ZNF148: variants seen among roughly 807,000 people sequenced by gnomAD.
ZNF148 encodes Beta-Enolase Repressor Factor-1.
ZNF148 carries 7 observed loss-of-function variants against 67.7 expected under a neutral mutation model. The ratio of observed to expected loss-of-function variants is 0.10; its 90% CI spans 0.06 to 0.19. ZNF148 has a LOEUF of 0.19. Ranked by LOEUF, ZNF148 falls within the 10% of genes least tolerant of loss-of-function variation. The pLI is 1.00. For synonymous variants in ZNF148, 333 were observed against 330.7 expected, an observed-to-expected ratio of 1.01 and a Z score of -0.08; for missense variants, 583 against 947.1, an observed-to-expected ratio of 0.62 and a Z score of 5.05.
At chr3:125,259,252 A>AC (rs1449897561) in intron 7 of ZNF148, among the ~76,000 whole-genome samples, 2 of 152,228 alleles carry the variant, frequency 1.3e-5, no homozygotes, top group African/African-American at 4.8e-5. Context: ...ACAAATAAAC[A>AC]CATGAAAAAA....
intron 1 of ZNF148, among the ~76,000 whole-genome samples, chr3:125,337,008 T>C (rs1941525297): frequency 7.7e-6 from 1 of 129,900 alleles, no homozygotes; most frequent in Non-Finnish European, 1.6e-5. Flanking sequence ...TTTCCATTTC[T>C]ACTCTCACAA....
At chr3:125,276,755 AG>A (rs1313251756) in intron 7 of ZNF148, among the ~76,000 whole-genome samples, 1 of 152,138 alleles carries the variant, frequency 6.6e-6, no homozygotes, top group African/African-American at 2.4e-5. Flanking sequence ...TTATTTAAGC[AG>A]ACCAGACACA....
chr3:125,332,926 T>C (rs934807875), intron 1 of ZNF148, among the ~76,000 whole-genome samples: 2 of 152,218 alleles, frequency 1.3e-5, no homozygotes, highest in Non-Finnish European at 2.9e-5. Flanking sequence ...CATACATTAC[T>C]ATATTCAACT....
At chr3:125,334,885 C>G (rs1332945449) in intron 1 of ZNF148, among the ~76,000 whole-genome samples, 1 of 152,152 alleles carries the variant, frequency 6.6e-6, no homozygotes, top group East Asian at 1.9e-4. Flanking sequence ...ACCTGACCTC[C>G]TTATTGTCGC....
Position 125,233,161 on chromosome 3 carries a change from G to A in ZNF148, c.1565C>T (p.Ala522Val), listed in dbSNP as rs1360314297. ...STTASILESQ[A>V]LNVEIKSNHD... ...ATTACTCTTAATCTCCACATTCAGT[G>A]CCTGTGACTCTAATATGGATGCCGT... Residue 522 changes from alanine (A) to valine (V), a missense_variant, in exon 9 of 9, where the codon GCA (alanine) becomes GTA (valine). Physicochemically the swap from Ala to Val is moderately conservative, Grantham distance 64 (BLOSUM62 0). Around this residue, in one of 5 missense-constraint regions of ZNF148, gnomAD observed 172 missense variants for 307.7 expected, o/e 0.56. Coordinates refer to ENST00000360647, the MANE Select transcript of ZNF148 (RefSeq NM_021964.3). This position sits in a 1 kb window ranked among gnomAD's most constrained non-coding sequence, Gnocchi z 5.1. 2 of 1,613,788 alleles carry A rather than the reference G, an allele frequency of 1.2e-6. No individual in the cohort carries two copies.
Position 125,229,543 on chromosome 3 carries a change from C to CTAAAG in ZNF148, c.*2797_*2798insCTTTA, listed in dbSNP as rs1935767810. ...TTTAAAAAACCCTTTAGAAGATGTT[C>CTAAAG]AAGAGATACTGCCTCGCCTAACGTG... is the stretch of plus-strand genomic sequence containing the variant. On this transcript the variant is annotated 3_prime_UTR_variant, in exon 9 of 9. Transcript: ENST00000360647. The CTAAAG allele has an allele frequency of 6.6e-6, 1 of 152,100 alleles. No individual in the cohort carries two copies. Among genetic ancestry groups the CTAAAG allele is most frequent in the African/African-American group, 2.4e-5 (1 of 41,414 alleles). The allele number at this position is 152,100 out of a possible 1,614,324, so 9.4% of individuals were successfully genotyped here. A position where few individuals can be genotyped will look rare whatever the true frequency, so the allele number is the denominator to read the frequency against.
intron 7 of ZNF148, among the ~76,000 whole-genome samples, chr3:125,259,938 G>A (rs1170358185): frequency 1.3e-5 from 2 of 152,046 alleles, no homozygotes; most frequent in African/African-American, 2.4e-5. Context: ...CCTTTCACTT[G>A]CACACTTAGA....
chr3:125,328,255 T>C (rs760426154), intron 2 of ZNF148, among the ~76,000 whole-genome samples: 25 of 152,138 alleles, frequency 1.6e-4, no homozygotes, highest in Non-Finnish European at 2.4e-4. Flanking sequence ...CCTTTAAATC[T>C]AACACAGAAC....
chr3:125,258,133 C>T (rs1458890587), intron 7 of ZNF148, among the ~76,000 whole-genome samples: 1 of 151,724 alleles, frequency 6.6e-6, no homozygotes, highest in African/African-American at 2.4e-5. Context: ...AAAGAGATAG[C>T]ATCTTCCAGC....
At chr3:125,336,112 A>G (rs1941479398) in intron 1 of ZNF148, among the ~76,000 whole-genome samples, 1 of 152,246 alleles carries the variant, frequency 6.6e-6, no homozygotes, top group African/African-American at 2.4e-5. Context: ...AATCATTTTT[A>G]AAGTTTCAAT....
At chr3:125,235,666 C>T (rs1195959692) in intron 7 of ZNF148, among the ~76,000 whole-genome samples, 1 of 151,998 alleles carries the variant, frequency 6.6e-6, no homozygotes, top group Admixed American at 6.6e-5. Context: ...TTTACTGCTG[C>T]ACTATTCACA....
rs1275973957 is a variant in ZNF148, at chr3:125,233,185, G to A, written c.1541C>T (p.Thr514Met). 2 of 1,613,796 alleles carry A rather than the reference G, an allele frequency of 1.2e-6. No homozygotes were observed. The highest frequency in any genetic ancestry group is 1.3e-5 in the African/African-American group (1 of 74,970). ...AVASVIDEST[T>M]ASILESQALN... is the part of the protein sequence containing the mutation. ...TGCCTGTGACTCTAATATGGATGCCGTGGTACTTTCATCAATGACACTTGC... is the reference window on the plus strand; with the variant it reads ...TGCCTGTGACTCTAATATGGATGCCATGGTACTTTCATCAATGACACTTGC... The change falls in exon 9 of 9, where the codon ACG becomes ATG. Residue 514 changes from threonine (T) to methionine (M), a missense_variant. Thr to Met is a moderately conservative substitution (Grantham distance 81). Transcript: ENST00000360647. This position sits in a 1 kb window ranked among gnomAD's most constrained non-coding sequence, Gnocchi z 5.1.
intron 7 of ZNF148, among the ~76,000 whole-genome samples, chr3:125,255,691 T>G (rs1012503973): frequency 4.7e-4 from 71 of 152,312 alleles, no homozygotes; most frequent in African/African-American, 1.7e-3. Flanking sequence ...ACCTTCGTTT[T>G]TTATGACTAG....
intron 3 of ZNF148, among the ~76,000 whole-genome samples, chr3:125,322,776 T>C (rs1478112737): frequency 1.3e-5 from 2 of 152,338 alleles, no homozygotes; most frequent in East Asian, 1.9e-4. Flanking sequence ...CAAGTCTATA[T>C]ACTAATATAT....
At chr3:125,316,819 T>C (rs528743375) in intron 3 of ZNF148, among the ~76,000 whole-genome samples, 9 of 152,210 alleles carry the variant, frequency 5.9e-5, no homozygotes, top group Non-Finnish European at 1.3e-4. Context: ...CTTTATTGAC[T>C]GTATCCTTTC....
chr3:125,342,918 G>A (rs1282431533), intron 1 of ZNF148, among the ~76,000 whole-genome samples: 1 of 152,146 alleles, frequency 6.6e-6, no homozygotes. Context: ...AGTCATGTAT[G>A]CATATAATAA....
At chr3:125,312,867 A>G (rs1940291185) in intron 4 of ZNF148, among the ~76,000 whole-genome samples, 1 of 152,178 alleles carries the variant, frequency 6.6e-6, no homozygotes, top group Non-Finnish European at 1.5e-5. Context: ...AGATAAACAG[A>G]TCAAGCAAGC....
At chr3:125,273,867 G>A (rs945086868) in intron 7 of ZNF148, among the ~76,000 whole-genome samples, 1 of 151,986 alleles carries the variant, frequency 6.6e-6, no homozygotes, top group African/African-American at 2.4e-5. Context: ...TATGAAAACT[G>A]GCATAACTAA....
rs767675700 is a variant in ZNF148, at chr3:125,229,629, G to A, written c.*2712C>T. On this transcript the variant is annotated 3_prime_UTR_variant, in exon 9 of 9. Coordinates refer to ENST00000360647, the MANE Select transcript of ZNF148 (RefSeq NM_021964.3). ...AGGAAAAGCACACCTCACTCAGATT[G>A]ATCAAAAGTTTAAGGGTGTACCAGC... 3 of 152,228 alleles carry A rather than the reference G, an allele frequency of 2.0e-5. 1 individual carries two copies. The South Asian group carries it at 6.2e-4, about 32-fold the overall frequency. 9.4% of individuals were successfully genotyped at this position (152,228 alleles called of 1,614,324 possible).
Sources: allele counts gnomAD v4.1 joint callset (sites outside exome capture counted in the v4.1 genomes callset), GRCh38; gene constraint gnomAD v4.1.1; regional missense constraint gnomAD v4.1.1; non-coding constraint Gnocchi (gnomAD v3.1); transcripts MANE v1.5; gene names NCBI Gene and HGNC (gene_info 2026-07-23, HGNC 2026-07-21).